Variants in PYGO1 observed in about 807,000 individuals in gnomAD.
The protein encoded by PYGO1 is pygopus family PHD finger 1.
A neutral mutation model predicts 29.5 loss-of-function variants in PYGO1; 6 were observed. That is an observed-to-expected ratio of 0.20 (90% confidence interval 0.11 to 0.40). The LOEUF (loss-of-function observed/expected upper bound fraction) is 0.40. Ranked by LOEUF, PYGO1 falls within the 10% of genes least tolerant of loss-of-function variation. The pLI, the probability that PYGO1 is intolerant of heterozygous loss-of-function variation, is 1.00. For synonymous variants in PYGO1, 186 were observed against 180.5 expected, an observed-to-expected ratio of 1.03 and a Z score of -0.24; for missense variants, 515 against 514.9, an observed-to-expected ratio of 1.00 and a Z score of 0.00.
At chr15:55,565,804 G>A (rs1206737294) in intron 1 of PYGO1, among the ~76,000 whole-genome samples, 1 of 151,694 alleles carries the variant, frequency 6.6e-6, no homozygotes, top group Non-Finnish European at 1.5e-5. Flanking sequence ...TTCTTTTCTT[G>A]AGACAGTCTC....
chr15:55,555,993 C>G (rs7181305), intron 1 of PYGO1, among the ~76,000 whole-genome samples: 134,519 of 151,984 alleles, frequency 0.89, 59,641 homozygotes, highest in Admixed American at 0.92. Context: ...CAGGAGCACC[C>G]AGATTCATAC....
intron 1 of PYGO1, among the ~76,000 whole-genome samples, chr15:55,555,640 T>C (rs965429421): frequency 6.6e-6 from 1 of 151,714 alleles, no homozygotes; most frequent in Non-Finnish European, 1.5e-5. Context: ...AACCTGCACG[T>C]TGTGCACATG....
At chr15:55,572,992 AGTG>A (rs1402648166) in intron 1 of PYGO1, among the ~76,000 whole-genome samples, 1 of 145,202 alleles carries the variant, frequency 6.9e-6, no homozygotes, top group Non-Finnish European at 1.5e-5. Context: ...AGGTCAACAC[AGTG>A]AGACTCTGTC....
chr15:55,573,304 T>G (rs1459188955), intron 1 of PYGO1, among the ~76,000 whole-genome samples: 1 of 146,990 alleles, frequency 6.8e-6, no homozygotes, highest in African/African-American at 2.6e-5. Context: ...AGACTCCATC[T>G]CAAAAAAGGA....
intron 1 of PYGO1, among the ~76,000 whole-genome samples, chr15:55,566,046 G>A (rs1337554851): frequency 1.3e-5 from 2 of 152,208 alleles, no homozygotes; most frequent in Admixed American, 1.3e-4. Context: ...CTCCCAAAGT[G>A]CTGGGATTAC....
Position 55,576,708 on chromosome 15 carries a change from T to C in PYGO1, c.49+11127A>G, listed in dbSNP as rs573794156. ...ATCGCTTGAACCCGGGAGGTGGAGG[T>C]TGCAGTGAGCCGCCGAGATTGTGCC... On this transcript the variant is annotated intron_variant, in intron 1 of 2. Transcript: ENST00000563719. 1.1e-4 allele frequency among the ~76,000 whole-genome samples: 15 copies of C among 134,690 alleles called. No homozygotes were observed. The East Asian group carries it at 2.5e-3, about 22-fold the overall frequency. 88.4% of individuals were successfully genotyped at this position (134,690 alleles called of 152,430 possible).
chr15:55,577,311 C>T (rs1384898338), intron 1 of PYGO1, among the ~76,000 whole-genome samples: 4 of 152,142 alleles, frequency 2.6e-5, no homozygotes, highest in Non-Finnish European at 5.9e-5. Context: ...CTCACCCCGC[C>T]GCTAGCCAAT....
At chr15:55,555,406 C>A (rs931962811) in intron 1 of PYGO1, among the ~76,000 whole-genome samples, 6 of 151,046 alleles carry the variant, frequency 4.0e-5, no homozygotes, top group Admixed American at 4.0e-4. Context: ...TACAAAAGCA[C>A]TGAGGTACAT....
At chr15:55,571,626 G>C (rs1432732703) in intron 1 of PYGO1, among the ~76,000 whole-genome samples, 1 of 152,124 alleles carries the variant, frequency 6.6e-6, no homozygotes, top group Non-Finnish European at 1.5e-5. Flanking sequence ...GATGTGACTT[G>C]CTCCACCTTG....
intron 1 of PYGO1, among the ~76,000 whole-genome samples, chr15:55,551,373 T>G (rs768575906): frequency 8.5e-5 from 13 of 152,194 alleles, no homozygotes; most frequent in Non-Finnish European, 1.2e-4. Flanking sequence ...TAAAACAATG[T>G]CCACTTAAAT....
intron 1 of PYGO1, among the ~76,000 whole-genome samples, chr15:55,553,676 G>A (rs899322399): frequency 1.3e-5 from 2 of 152,146 alleles, no homozygotes; most frequent in Non-Finnish European, 2.9e-5. Flanking sequence ...CTCCCAAAGT[G>A]CTGGGATTAC....
chr15:55,588,014 G>A lies in PYGO1; in HGVS notation c.-131C>T. 11 of 1,301,666 alleles carry A rather than the reference G, an allele frequency of 8.5e-6. No individual in the cohort carries two copies. The South Asian group carries it at 1.2e-4, about 14-fold the overall frequency. 80.6% of individuals were successfully genotyped at this position (1,301,666 alleles called of 1,614,324 possible). On this transcript the variant is annotated 5_prime_UTR_variant, in exon 1 of 3. Transcript: ENST00000563719. ...AGCCTCGGAGCCGAGGCACGGCCGA[G>A]GGCGGTGGGGACGCGGGCCGACTTT...
At chr15:55,565,081 C>G (rs1038507261) in intron 1 of PYGO1, among the ~76,000 whole-genome samples, 1 of 152,196 alleles carries the variant, frequency 6.6e-6, no homozygotes, top group African/African-American at 2.4e-5. Context: ...CATAAAGAAG[C>G]CTTTGCTCTT....
At position 55,549,094 on chromosome 15, in the gene PYGO1, A is replaced by G. The variant is rs1003693018; in HGVS notation, c.50-99T>C. ...TTATATTTACCTGTTAATGTTTTCT[A>G]TTTTCGTTAGACAAGAGCAATACTT... On this transcript the variant is annotated intron_variant, in intron 1 of 2. Coordinates refer to ENST00000563719, the MANE Select transcript of PYGO1 (RefSeq NM_001367806.1). The G allele has an allele frequency of 1.3e-5, 12 of 918,740 alleles. No individual in the cohort carries two copies. In the African/African-American group the frequency reaches 1.4e-4, roughly 11 times the overall value. 56.9% of individuals were successfully genotyped at this position (918,740 alleles called of 1,614,324 possible).
rs1380285533 is a variant in PYGO1, at chr15:55,543,232, T to G, written c.*2791A>C. 1.3e-5 allele frequency: 2 copies of G among 152,236 alleles called. No individual in the cohort carries two copies. The highest frequency in any genetic ancestry group is 4.8e-5 in the African/African-American group (2 of 41,466). The allele number at this position is 152,236 out of a possible 1,614,324, so 9.4% of individuals were successfully genotyped here. A position where few individuals can be genotyped will look rare whatever the true frequency, so the allele number is the denominator to read the frequency against. ...ATTTATCCTAAGAAGCCATTTCAGT[T>G]TGTATAATAGCCTTCTTCAGACAAA... is the stretch of plus-strand genomic sequence containing the variant. On this transcript the variant is annotated 3_prime_UTR_variant, in exon 3 of 3. Coordinates refer to ENST00000563719, the MANE Select transcript of PYGO1 (RefSeq NM_001367806.1).
Position 55,545,608 on chromosome 15 carries a change from A to G in PYGO1, c.*415T>C, listed in dbSNP as rs2141642109. 1 of 154,788 alleles carries G rather than the reference A, an allele frequency of 6.5e-6. No individual in the cohort carries two copies. The highest frequency in any genetic ancestry group is 1.4e-5 in the Non-Finnish European group (1 of 69,804). The allele number at this position is 154,788 out of a possible 1,614,324, so 9.6% of individuals were successfully genotyped here. ...TTACAGTTACATATATTATGTTGTG[A>G]AGACGTGTTAAGTGGATCCTTGATA... On this transcript the variant is annotated 3_prime_UTR_variant, in exon 3 of 3. Coordinates refer to ENST00000563719, the MANE Select transcript of PYGO1 (RefSeq NM_001367806.1).
At chr15:55,553,547 C>T (rs967555381) in intron 1 of PYGO1, among the ~76,000 whole-genome samples, 10 of 152,164 alleles carry the variant, frequency 6.6e-5, no homozygotes, top group African/African-American at 2.2e-4. Context: ...AGGCACTTGC[C>T]ACCACCACCA....
chr15:55,576,608 T>C (rs1415004627), intron 1 of PYGO1, among the ~76,000 whole-genome samples: 1 of 144,668 alleles, frequency 6.9e-6, no homozygotes, highest in African/African-American at 2.6e-5. Flanking sequence ...CTGTCTCTAC[T>C]AAAAGTACAA....
chr15:55,552,396 T>G (rs1303428286), intron 1 of PYGO1, among the ~76,000 whole-genome samples: 1 of 145,564 alleles, frequency 6.9e-6, no homozygotes, highest in Non-Finnish European at 1.5e-5. Context: ...TAGGGGGAGC[T>G]GTGGTCCATG....
Sources: gnomAD v4.1 joint callset for allele counts (sites outside exome capture counted in the v4.1 genomes callset) on GRCh38, gnomAD v4.1.1 for gene constraint, MANE v1.5 for transcripts, NCBI Gene and HGNC (gene_info 2026-07-23, HGNC 2026-07-21) for gene names.